INTS4: variants seen among roughly 807,000 people sequenced by gnomAD.
INTS4 encodes the protein MSTP093.
A neutral mutation model predicts 119.5 loss-of-function variants in INTS4; 70 were observed. The observed-to-expected ratio is 0.59, with a 90% confidence interval of 0.48 to 0.71. INTS4 has a LOEUF of 0.71. Ranked by LOEUF, INTS4 falls within the 30% of genes least tolerant of loss-of-function variation. The pLI is 0.00. For missense variants in INTS4, 867 were observed against 1,173.2 expected, an observed-to-expected ratio of 0.74 and a Z score of 3.81; for synonymous variants, 316 against 419.6, an observed-to-expected ratio of 0.75 and a Z score of 3.02.
At chr11:77,900,828 C>T (rs1952756624) in intron 18 of INTS4, 1 of 572,328 alleles carries the variant, frequency 1.7e-6, no homozygotes, top group East Asian at 2.9e-5. Context: ...TTACACTGAG[C>T]TCTTATTACG....
At position 77,953,668 on chromosome 11, in the gene INTS4, C is replaced by T. The variant is rs570301840; in HGVS notation, c.918+2274G>A. ...GCACAATCTCGGCTCACTGCAACCC[C>T]TGCCTCCCAGGTTCAAGTGATCCTC... On this transcript the variant is annotated intron_variant, in intron 8 of 22. Transcript: ENST00000534064. Among the ~76,000 whole-genome samples, 9 of 152,256 alleles carry T rather than the reference C, an allele frequency of 5.9e-5. No individual in the cohort carries two copies. In the East Asian group the frequency reaches 1.5e-3, roughly 26 times the overall value.
At chr11:77,975,301 C>G (rs965896342) in intron 4 of INTS4, among the ~76,000 whole-genome samples, 1 of 151,826 alleles carries the variant, frequency 6.6e-6, no homozygotes, top group Non-Finnish European at 1.5e-5. Context: ...AAAGTATTTT[C>G]TAATTTCCCT....
chr11:77,984,041 T>C (rs1856356609), intron 2 of INTS4, among the ~76,000 whole-genome samples: 1 of 152,188 alleles, frequency 6.6e-6, no homozygotes, highest in Non-Finnish European at 1.5e-5. Flanking sequence ...AATGGAATAT[T>C]ATTTAGCCTT....
At chr11:77,957,698 T>G (rs1468992315) in intron 7 of INTS4, among the ~76,000 whole-genome samples, 1 of 145,824 alleles carries the variant, frequency 6.9e-6, no homozygotes, top group Non-Finnish European at 1.5e-5. Flanking sequence ...AGAAAGTGTC[T>G]TGCTCTGTGA....
intron 18 of INTS4, chr11:77,900,636 C>A (rs1475640136): frequency 1.4e-6 from 1 of 698,000 alleles, no homozygotes; most frequent in African/African-American, 1.8e-5. Context: ...TTTTTTGTAT[C>A]AAATCTATGA....
At chr11:77,933,354 C>T (rs1274483190) in intron 10 of INTS4, among the ~76,000 whole-genome samples, 1 of 151,616 alleles carries the variant, frequency 6.6e-6, no homozygotes, top group Non-Finnish European at 1.5e-5. Context: ...TGCCGAGTGC[C>T]TGGGATTGCA....
chr11:77,912,353 C>T (rs1198833994), intron 15 of INTS4, among the ~76,000 whole-genome samples: 2 of 150,014 alleles, frequency 1.3e-5, no homozygotes, highest in African/African-American at 5.0e-5. Flanking sequence ...CAGAGGGAGA[C>T]TCCATCTCCA....
chr11:77,940,598 T>C (rs897003815), intron 9 of INTS4, among the ~76,000 whole-genome samples: 6 of 152,194 alleles, frequency 3.9e-5, no homozygotes, highest in South Asian at 2.1e-4. Flanking sequence ...AATAGAAAAT[T>C]AATCTTTTGA....
intron 10 of INTS4, 103 bp from the exon 11 acceptor site, chr11:77,928,650 C>T: frequency 2.0e-6 from 3 of 1,479,372 alleles, no homozygotes; most frequent in Admixed American, 2.3e-5. Context: ...TCACTTGAGC[C>T]CGCCTATGCA....
At chr11:77,980,609 G>A (rs894971177) in intron 3 of INTS4, among the ~76,000 whole-genome samples, 1 of 152,090 alleles carries the variant, frequency 6.6e-6, no homozygotes, top group African/African-American at 2.4e-5. Context: ...AAATTCCTGG[G>A]CTCAAGGGAT....
Position 77,938,725 on chromosome 11 carries a change from T to A in INTS4, c.1091A>T (p.Asp364Val). 1 of 1,612,030 alleles carries A rather than the reference T, an allele frequency of 6.2e-7. No homozygotes were observed. Among genetic ancestry groups the A allele is most frequent in the Non-Finnish European group, 8.5e-7 (1 of 1,179,864 alleles). ...WGDDAPKEEV[D>V]TGAVNLIESG... ...CTCAATCAAGTTCACAGCCCCGGTA[T>A]CTACTTCTTCCTTGGGAGCATCATC... Residue 364 changes from aspartate to valine, a missense_variant, in exon 10 of 23, where the codon GAT becomes GTT. Physicochemically the swap from Asp to Val is radical, Grantham distance 152. Transcript: ENST00000534064.
intron 10 of INTS4, among the ~76,000 whole-genome samples, chr11:77,934,254 G>A (rs1281316287): frequency 3.3e-5 from 5 of 151,980 alleles, no homozygotes; most frequent in South Asian, 4.2e-4. Flanking sequence ...CAAACACTGC[G>A]GAAGGCCACA....
intron 2 of INTS4, among the ~76,000 whole-genome samples, chr11:77,989,719 G>T (rs2136666984): frequency 6.9e-6 from 1 of 145,376 alleles, no homozygotes; most frequent in African/African-American, 2.5e-5. Flanking sequence ...GCAAAGCCCT[G>T]TCTCTACAAA....
At chr11:77,920,236 T>TATATACACATATAC (rs1565244837) in intron 14 of INTS4, among the ~76,000 whole-genome samples, 5 of 90,464 alleles carry the variant, frequency 5.5e-5, no homozygotes, top group South Asian at 2.6e-4. Context: ...TACATACATA[T>TATATACACATATAC]ATACATATAT....
At chr11:77,886,446 G>A (rs528451015) in intron 21 of INTS4, among the ~76,000 whole-genome samples, 6 of 152,314 alleles carry the variant, frequency 3.9e-5, no homozygotes, top group African/African-American at 7.2e-5. Flanking sequence ...GGCCCGCGGC[G>A]GGTGTTGATG....
At chr11:77,975,207 GT>G (rs915989940) in intron 4 of INTS4, among the ~76,000 whole-genome samples, 11 of 145,260 alleles carry the variant, frequency 7.6e-5, no homozygotes, top group African/African-American at 2.3e-4. Flanking sequence ...CCTTATTCTT[GT>G]TTTTTTTTTA....
chr11:77,940,921 C>T (rs1953915942), intron 9 of INTS4, among the ~76,000 whole-genome samples: 1 of 152,192 alleles, frequency 6.6e-6, no homozygotes. Context: ...AGGTGTGAGC[C>T]ACTGCACCTG....
At chr11:77,917,083 T>G (rs1953220670) in intron 15 of INTS4, among the ~76,000 whole-genome samples, 1 of 152,156 alleles carries the variant, frequency 6.6e-6, no homozygotes, top group Admixed American at 6.5e-5. Context: ...CAAAGCGCTG[T>G]TATCCACCAT....
At chr11:77,899,531 A>G (rs1273675483) in intron 18 of INTS4, among the ~76,000 whole-genome samples, 7 of 151,702 alleles carry the variant, frequency 4.6e-5, no homozygotes, top group Non-Finnish European at 1.0e-4. Flanking sequence ...TTAGCCGGGC[A>G]TGGTGTTGCA....
Sources: allele counts gnomAD v4.1 joint callset (sites outside exome capture counted in the v4.1 genomes callset), GRCh38; gene constraint gnomAD v4.1.1; transcripts MANE v1.5; gene names NCBI Gene and HGNC (gene_info 2026-07-23, HGNC 2026-07-21).